Variants in SLC28A1 observed in about 807,000 individuals in gnomAD.
SLC28A1 encodes sodium/nucleoside cotransporter 1.
In SLC28A1, 64 loss-of-function variants were observed where a neutral mutation model predicts 74.8. The ratio of observed to expected loss-of-function variants is 0.86; its 90% CI spans 0.70 to 1.05. SLC28A1 has a LOEUF of 1.05. SLC28A1 is among the 50% of genes least tolerant of loss of function. The pLI, the probability that SLC28A1 is intolerant of heterozygous loss-of-function variation, is 0.00. For missense variants in SLC28A1, 828 were observed against 822.8 expected, an observed-to-expected ratio of 1.01 and a Z score of -0.08; for synonymous variants, 359 against 335.0, an observed-to-expected ratio of 1.07 and a Z score of -0.78.
intron 6 of SLC28A1, among the ~76,000 whole-genome samples, chr15:84,903,114 A>T (rs1421181126): frequency 6.6e-6 from 1 of 152,248 alleles, no homozygotes; most frequent in Admixed American, 6.5e-5. Context: ...CAAGGCAAAG[A>T]TTGTGCATGT....
At chr15:84,966,194 C>T in the SLC28A1 span, among the ~76,000 whole-genome samples, 1 of 152,156 alleles carries the variant, frequency 6.6e-6, no homozygotes, top group Non-Finnish European at 1.5e-5. Context: ...TCTTCTGCCT[C>T]AGCCTCCTGA....
chr15:84,945,242 C>T lies in SLC28A1; in HGVS notation c.*42C>T, dbSNP rs751779290. ...TGCTTCTGCGCTTCTGAGGGCTGTT[C>T]TCCCCCGGGAACCATCTGTCCCCAC... is the stretch of plus-strand genomic sequence containing the variant. On this transcript the variant is annotated 3_prime_UTR_variant, in exon 19 of 19. Coordinates refer to ENST00000394573, the MANE Select transcript of SLC28A1 (RefSeq NM_004213.5). 6.3e-6 allele frequency: 10 copies of T among 1,579,496 alleles called. No individual in the cohort carries two copies. The highest frequency in any genetic ancestry group is 1.3e-5 in the African/African-American group (1 of 74,236).
At chr15:84,908,941 T>A in intron 9 of SLC28A1, 146 bp downstream of exon 9, 1 of 717,954 alleles carries the variant, frequency 1.4e-6, no homozygotes. Flanking sequence ...TAGTGAACCT[T>A]AAGCCTGGGG....
At chr15:84,961,099 C>T in the SLC28A1 span, among the ~76,000 whole-genome samples, 2 of 152,258 alleles carry the variant, frequency 1.3e-5, no homozygotes, top group Non-Finnish European at 2.9e-5. Flanking sequence ...ATGAGAATAT[C>T]ACCTCCGAAC....
chr15:84,945,074 C>A, intron 18 of SLC28A1, 51 bp from the exon 19 acceptor site: 1 of 1,513,870 alleles, frequency 6.6e-7, no homozygotes, highest in Non-Finnish European at 9.2e-7. Flanking sequence ...CTGGTGGTGG[C>A]CCGCAGAACC....
At chr15:84,893,165 A>C (rs1965554387) in intron 5 of SLC28A1, among the ~76,000 whole-genome samples, 1 of 151,732 alleles carries the variant, frequency 6.6e-6, no homozygotes, top group African/African-American at 2.4e-5. Flanking sequence ...TCCCTGTGTG[A>C]GGCACTCATC....
At chr15:84,907,416 C>T (rs1967403717) in intron 8 of SLC28A1, among the ~76,000 whole-genome samples, 1 of 152,208 alleles carries the variant, frequency 6.6e-6, no homozygotes, top group Admixed American at 6.5e-5. Flanking sequence ...AAGTCCTGGG[C>T]TCAAGTAATC....
At chr15:84,915,770 C>T (rs778435386) in intron 9 of SLC28A1, among the ~76,000 whole-genome samples, 4 of 152,212 alleles carry the variant, frequency 2.6e-5, no homozygotes, top group Admixed American at 6.5e-5. Context: ...CTCTTCTGGC[C>T]GTCCTCCAGC....
chr15:84,921,044 T>C lies in SLC28A1; in HGVS notation c.932T>C (p.Val311Ala), dbSNP rs748009331. Residue 311 changes from valine to alanine, a missense_variant, in exon 11 of 19, where the codon GTG becomes GCG. Physicochemically the swap from Val to Ala is moderately conservative, Grantham distance 64 (BLOSUM62 0). Coordinates refer to ENST00000394573, the MANE Select transcript of SLC28A1 (RefSeq NM_004213.5). ...ACCACAGCCACTGAGACCCTGAGTGTGGCTGGAAACATCTTTGTGAGCCAG... is the reference window on the plus strand; with the variant it reads ...ACCACAGCCACTGAGACCCTGAGTGCGGCTGGAAACATCTTTGTGAGCCAG... Reference protein sequence around the residue: ...MGTTATETLSVAGNIFVSQTE... With the variant: ...MGTTATETLSAAGNIFVSQTE... 6.2e-7 allele frequency: 1 copy of C among 1,614,026 alleles called. No individual in the cohort carries two copies. The highest frequency in any genetic ancestry group is 1.3e-5 in the African/African-American group (1 of 75,048).
intron 15 of SLC28A1, among the ~76,000 whole-genome samples, chr15:84,941,511 TG>T (rs943574642): frequency 2.6e-5 from 4 of 152,054 alleles, no homozygotes; most frequent in African/African-American, 9.7e-5. Context: ...GGCCGGGATT[TG>T]TTTTTTTTTT....
chr15:84,956,472 T>TTTCTTTCTTTCTTTCTTTCC, the SLC28A1 span, among the ~76,000 whole-genome samples: 74 of 77,714 alleles, frequency 9.5e-4, no homozygotes, highest in Non-Finnish European at 1.2e-3. Context: ...TCTTTCCTTC[T>TTTCTTTCTTTCTTTCTTTCC]TTCTTTCTTT....
At chr15:84,940,198 G>C (rs1262195677) in intron 15 of SLC28A1, among the ~76,000 whole-genome samples, 1 of 152,118 alleles carries the variant, frequency 6.6e-6, no homozygotes, top group Admixed American at 6.6e-5. Flanking sequence ...AAAGATGAAG[G>C]CACTACCATC....
chr15:84,899,253 G>GA (rs1966340456), intron 6 of SLC28A1, among the ~76,000 whole-genome samples: 1 of 151,896 alleles, frequency 6.6e-6, no homozygotes, highest in Non-Finnish European at 1.5e-5. Context: ...GACAAAACCT[G>GA]AAAAAATTCA....
intron 11 of SLC28A1, among the ~76,000 whole-genome samples, chr15:84,922,483 C>T (rs1338102500): frequency 6.6e-6 from 1 of 152,172 alleles, no homozygotes; most frequent in African/African-American, 2.4e-5. Context: ...AATCTATCAG[C>T]ATTCCCACAG....
intron 9 of SLC28A1, among the ~76,000 whole-genome samples, chr15:84,910,558 A>T (rs771577523): frequency 3.2e-4 from 48 of 152,246 alleles, no homozygotes; most frequent in African/African-American, 1.2e-3. Flanking sequence ...GAGAAACCCC[A>T]TCTCTACTAA....
At chr15:84,927,166 G>A (rs1426554761) in intron 12 of SLC28A1, among the ~76,000 whole-genome samples, 1 of 152,080 alleles carries the variant, frequency 6.6e-6, no homozygotes, top group East Asian at 1.9e-4. Flanking sequence ...TAAAACTGGT[G>A]CACCCACCCA....
the SLC28A1 span, among the ~76,000 whole-genome samples, chr15:84,973,945 T>G: frequency 6.6e-6 from 1 of 152,260 alleles, no homozygotes; most frequent in South Asian, 2.1e-4. Context: ...TCAAGCAGGC[T>G]TGGGGACGCT....
At chr15:84,915,041 G>A (rs1214456074) in intron 9 of SLC28A1, among the ~76,000 whole-genome samples, 1 of 152,140 alleles carries the variant, frequency 6.6e-6, no homozygotes, top group Non-Finnish European at 1.5e-5. Flanking sequence ...ATCCCTGCAG[G>A]CCTGCTAGCT....
At position 84,886,788 on chromosome 15, in the gene SLC28A1, G is replaced by C. The variant is rs114615130; in HGVS notation, c.-17+1G>C. On this transcript the variant is annotated splice_donor_variant, in intron 2 of 18. Coordinates refer to ENST00000394573, the MANE Select transcript of SLC28A1 (RefSeq NM_004213.5). LOFTEE classifies it low-confidence loss of function (5UTR_SPLICE). Reference sequence around the variant, plus strand: ...AGAGCGACCTGTTAACCGCAAATACGTGAGTAGAAACAGGGCCCCGCTTCT... The same window carrying C: ...AGAGCGACCTGTTAACCGCAAATACCTGAGTAGAAACAGGGCCCCGCTTCT... The C allele has an allele frequency of 5.1e-6, 5 of 984,880 alleles. No individual in the cohort carries two copies. The South Asian group carries it at 1.9e-4, about 37-fold the overall frequency. 61.0% of individuals were successfully genotyped at this position (984,880 alleles called of 1,614,324 possible).
Sources: gnomAD v4.1 joint callset for allele counts (sites outside exome capture counted in the v4.1 genomes callset) on GRCh38, gnomAD v4.1.1 for gene constraint, MANE v1.5 for transcripts, NCBI Gene and HGNC (gene_info 2026-07-23, HGNC 2026-07-21) for gene names.